Variants in C1orf167 observed in about 807,000 individuals in gnomAD.
C1orf167 encodes the protein chromosome 1 open reading frame 167.
A neutral mutation model predicts 176.5 loss-of-function variants in C1orf167; 153 were observed. The observed-to-expected ratio is 0.87, with a 90% CI of 0.76 to 0.99. The LOEUF is 0.99. C1orf167 is among the 50% of genes least tolerant of loss of function. The pLI, the probability that C1orf167 is intolerant of heterozygous loss-of-function variation, is 0.00. For missense variants in C1orf167, 1,490 were observed against 1,817.7 expected (o/e 0.82, Z 3.28); for synonymous variants, 594 against 752.7 (o/e 0.79, Z 3.45).
In C1orf167 at chr1:11,769,029, A is replaced by G. The variant is rs1239022698; in HGVS notation, c.1599A>G (p.Pro533=). Residue 533 remains proline, a synonymous_variant, in exon 6 of 21, where the codon CCA becomes CCG. Coordinates refer to ENST00000688073, the MANE Select transcript of C1orf167 (RefSeq NM_001010881.2). ...KQVQPHMQAG[P]GSPPSRRAQG... Reference sequence around the variant, plus strand: ...TACAGCCCCACATGCAGGCTGGGCCAGGGTCCCCGCCCTCCAGGAGAGCCC... The same window carrying G: ...TACAGCCCCACATGCAGGCTGGGCCGGGGTCCCCGCCCTCCAGGAGAGCCC... 1.0e-6 allele frequency: 1 copy of G among 985,912 alleles called. No homozygotes were observed. The highest frequency in any genetic ancestry group is 1.7e-5 in the African/African-American group (1 of 57,354). 61.1% of individuals were successfully genotyped at this position (985,912 alleles called of 1,614,324 possible). A position where few individuals can be genotyped will look rare whatever the true frequency, so the allele number is the denominator to read the frequency against.
chr1:11,787,476 G>GA lies in C1orf167; in HGVS notation c.3658dup (p.Thr1220AsnfsTer27), dbSNP rs1570447724. 7.7e-7 allele frequency: 1 copy of GA among 1,303,046 alleles called. No homozygotes were observed. The highest frequency in any genetic ancestry group is 1.0e-6 in the Non-Finnish European group (1 of 988,624). The allele number at this position is 1,303,046 out of a possible 1,614,324, so 80.7% of individuals were successfully genotyped here. On this transcript the variant is annotated frameshift_variant, in exon 17 of 21. Transcript: ENST00000688073. LOFTEE classifies it high-confidence loss of function. ...CTGGGTGGACGGAGGAAGCCAAGGG[G>GA]AACGGCCTGGGCTCAGAGTAAGGAG...
rs1326952207 is a variant in C1orf167 at position 11,787,496 on chromosome 1, A to T, written c.3673+3A>T. ...AAGGGGAACGGCCTGGGCTCAGAGT[A>T]AGGAGACCTTGCCCCGGGGGACAAA... is the stretch of plus-strand genomic sequence containing the variant. On this transcript the variant is annotated splice_donor_region_variant and intron_variant, in intron 17 of 20. Transcript: ENST00000688073. 6 of 1,299,256 alleles carry T rather than the reference A, an allele frequency of 4.6e-6. No homozygotes were observed. Among genetic ancestry groups the T allele is most frequent in the Non-Finnish European group, 6.1e-6 (6 of 986,908 alleles). The allele number at this position is 1,299,256 out of a possible 1,614,324, so 80.5% of individuals were successfully genotyped here.
chr1:11,773,819 A>C (rs1643190650), intron 8 of C1orf167, among the ~76,000 whole-genome samples: 1 of 152,210 alleles, frequency 6.6e-6, no homozygotes, highest in Non-Finnish European at 1.5e-5. Flanking sequence ...GCCAGTATTC[A>C]CATTTGCAAG....
intron 16 of C1orf167, chr1:11,787,182 C>T (rs1027088307): frequency 1.4e-5 from 3 of 214,534 alleles, no homozygotes; most frequent in Non-Finnish European, 2.9e-5. Context: ...AGAAATAGCC[C>T]CCTCCCAGGG....
At position 11,775,502 on chromosome 1, in the gene C1orf167, C is replaced by T. The variant is rs754834173; in HGVS notation, c.2056C>T (p.Arg686Trp). 17 of 1,304,074 alleles carry T rather than the reference C, an allele frequency of 1.3e-5. No homozygotes were observed. The highest frequency in any genetic ancestry group is 6.2e-5 in the South Asian group (5 of 81,018). 80.8% of individuals were successfully genotyped at this position (1,304,074 alleles called of 1,614,324 possible). A position where few individuals can be genotyped will look rare whatever the true frequency, so the allele number is the denominator to read the frequency against. Reference sequence around the variant, plus strand: ...GTACCGAGACCACCTGGCTGACCGCCGGACGGGGACCCTGAGGAAATGCCT... The same window carrying T: ...GTACCGAGACCACCTGGCTGACCGCTGGACGGGGACCCTGAGGAAATGCCT... ...SRYRDHLADR[R>W]TGTLRKCLEQ... Residue 686 changes from arginine to tryptophan, a missense_variant, in exon 9 of 21, where the codon CGG becomes TGG. Coordinates refer to ENST00000688073, the MANE Select transcript of C1orf167 (RefSeq NM_001010881.2).
At chr1:11,785,111 TTA>T in intron 15 of C1orf167, 35 bp from the exon 16 acceptor site, 1 of 1,010,248 alleles carries the variant, frequency 9.9e-7, no homozygotes, top group Non-Finnish European at 1.3e-6. Flanking sequence ...GTCCTGGCCT[TTA>T]TGGCCCTGGC....
intron 8 of C1orf167, 71 bp downstream of exon 8, chr1:11,772,330 A>G (rs1643121397): frequency 8.2e-7 from 1 of 1,213,620 alleles, no homozygotes; most frequent in Non-Finnish European, 1.1e-6. Flanking sequence ...CAGTGGCACC[A>G]TCTTGCTCAC....
rs907696540 is a variant in C1orf167, at chr1:11,776,626, G to A, written c.2327G>A (p.Arg776His). 48 of 1,196,282 alleles carry A rather than the reference G, an allele frequency of 4.0e-5. No homozygotes were observed. The highest frequency in any genetic ancestry group is 6.1e-4 in the Middle Eastern group (2 of 3,254). The allele number at this position is 1,196,282 out of a possible 1,614,324, so 74.1% of individuals were successfully genotyped here. A position where few individuals can be genotyped will look rare whatever the true frequency, so the allele number is the denominator to read the frequency against. The change falls in exon 10 of 21, where the codon CGC becomes CAC. Residue 776 changes from arginine to histidine, a missense_variant. Physicochemically the swap from Arg to His is conservative, Grantham distance 29. Coordinates refer to ENST00000688073, the MANE Select transcript of C1orf167 (RefSeq NM_001010881.2). ...CTGTGGAAGATGCGGCTTTTCCAGC[G>A]CCAGTGGGCCAAGTAGGTGTCCTCG... ...LLLWKMRLFQ[R>H]QWANSFFQGL...
Position 11,784,479 on chromosome 1 carries a change from A to T in C1orf167, c.3311A>T (p.Glu1104Val). Residue 1104 changes from glutamate (E) to valine (V), a missense_variant, in exon 15 of 21, where the codon GAG becomes GTG. By Grantham distance (121) the Glu-to-Val change is moderately radical (BLOSUM62 -2). Transcript: ENST00000688073. ...MHHEAQQQAG[E>V]SAGAQAAQCW... ...CATGAGGCCCAGCAGCAGGCAGGAG[A>T]GAGCGCTGGGGCCCAGGCAGCCCAG... The T allele has an allele frequency of 7.7e-7, 1 of 1,303,276 alleles. No homozygotes were observed. Among genetic ancestry groups the T allele is most frequent in the Non-Finnish European group, 1.0e-6 (1 of 988,904 alleles). The allele number at this position is 1,303,276 out of a possible 1,614,324, so 80.7% of individuals were successfully genotyped here.
At chr1:11,776,764 C>A in intron 10 of C1orf167, 126 bp downstream of exon 10, 2 of 914,900 alleles carry the variant, frequency 2.2e-6, no homozygotes, top group Non-Finnish European at 2.9e-6. Context: ...GCATCCCACT[C>A]CTCCCCGTGG....
intron 9 of C1orf167, 70 bp downstream of exon 9, chr1:11,775,680 G>A (rs1643282030): frequency 8.1e-7 from 1 of 1,239,158 alleles, no homozygotes; most frequent in Non-Finnish European, 1.0e-6. Flanking sequence ...GTCCCCAGTT[G>A]AATATGTGAA....
At chr1:11,787,570 G>A in intron 17 of C1orf167, 77 bp downstream of exon 17, 1 of 1,021,478 alleles carries the variant, frequency 9.8e-7, no homozygotes, top group Non-Finnish European at 1.3e-6. Flanking sequence ...TCAGGGGCCT[G>A]GAAATCAGCT....
chr1:11,779,224 G>C, intron 12 of C1orf167, 144 bp downstream of exon 12: 1 of 776,894 alleles, frequency 1.3e-6, no homozygotes, highest in African/African-American at 1.9e-5. Context: ...TTCCTGCCCC[G>C]TCCTACTGAG....
intron 9 of C1orf167, among the ~76,000 whole-genome samples, chr1:11,775,868 G>A (rs1643289327): frequency 6.6e-6 from 1 of 152,216 alleles, no homozygotes; most frequent in Non-Finnish European, 1.5e-5. Flanking sequence ...CTTTCTCAGT[G>A]CTGGTATCCT....
At chr1:11,772,009 A>C (rs1643103828) in intron 7 of C1orf167, 73 bp from the exon 8 acceptor site, 25 of 1,146,412 alleles carry the variant, frequency 2.2e-5, no homozygotes, top group East Asian at 6.0e-5. Flanking sequence ...CCCACATGTC[A>C]GGGGCCCCTC....
At chr1:11,779,653 C>A in intron 12 of C1orf167, 149 bp from the exon 13 acceptor site, 1 of 536,734 alleles carries the variant, frequency 1.9e-6, no homozygotes, top group Non-Finnish European at 3.0e-6. Flanking sequence ...CCCTCCAGTC[C>A]CCAGCAACCC....
At chr1:11,762,698 C>A (rs114103346) in intron 1 of C1orf167, among the ~76,000 whole-genome samples, 1 of 152,210 alleles carries the variant, frequency 6.6e-6, no homozygotes, top group South Asian at 2.1e-4. Flanking sequence ...AATGGCAGGA[C>A]GCCTGCTGAA....
chr1:11,779,722 A>G, intron 12 of C1orf167, 80 bp from the exon 13 acceptor site: 1 of 1,072,400 alleles, frequency 9.3e-7, no homozygotes. Flanking sequence ...GGGGAGAGGA[A>G]GAGAAAGGAG....
chr1:11,788,953 C>A, intron 20 of C1orf167: 1 of 393,360 alleles, frequency 2.5e-6, no homozygotes, highest in South Asian at 2.0e-5. Flanking sequence ...CCAGCTCAGG[C>A]CAGGCCCACC....
Sources: allele counts gnomAD v4.1 joint callset (sites outside exome capture counted in the v4.1 genomes callset), GRCh38; gene constraint gnomAD v4.1.1; transcripts MANE v1.5; gene names NCBI Gene and HGNC (gene_info 2026-07-23, HGNC 2026-07-21).